Variants in SEMA6D observed in about 807,000 individuals in gnomAD.
SEMA6D encodes the protein semaphorin-6D.
A neutral mutation model predicts 106.6 loss-of-function variants in SEMA6D; 35 were observed. That is an observed-to-expected ratio of 0.33 (90% CI 0.25 to 0.44). The LOEUF (loss-of-function observed/expected upper bound fraction) is 0.44. SEMA6D is among the 20% of genes least tolerant of loss of function. The probability of loss-of-function intolerance (pLI) is 1.00; values close to 1 mark genes in which losing one functional copy is unlikely to be tolerated. For synonymous variants in SEMA6D, 499 were observed against 487.7 expected (o/e 1.02, Z -0.31); for missense variants, 1,185 against 1,345.9 (o/e 0.88, Z 1.87).
chr15:47,529,415 G>C (rs1797235), intron 3 of SEMA6D, among the ~76,000 whole-genome samples: 74,515 of 151,820 alleles, frequency 0.49, 20,081 homozygotes, highest in African/African-American at 0.73. Flanking sequence ...CCGTGTTGTT[G>C]AAGGGTCAAC....
At chr15:47,203,168 C>T (rs1025525258) in intron 1 of SEMA6D, among the ~76,000 whole-genome samples, 2 of 152,068 alleles carry the variant, frequency 1.3e-5, no homozygotes, top group African/African-American at 2.4e-5. Context: ...GGCAATACCC[C>T]CAAACTGGCA....
intron 15 of SEMA6D, 31 bp downstream of exon 15, chr15:47,766,213 G>A: frequency 6.4e-7 from 1 of 1,569,272 alleles, no homozygotes; most frequent in Non-Finnish European, 8.8e-7. Context: ...GAGCTAGGAT[G>A]AACTATCCTC....
intron 1 of SEMA6D, among the ~76,000 whole-genome samples, chr15:47,268,916 G>A (rs1260378703): frequency 6.6e-6 from 1 of 151,968 alleles, no homozygotes; most frequent in South Asian, 2.1e-4. Context: ...TTTAATAGGG[G>A]CTTGGTTAGA....
intron 1 of SEMA6D, among the ~76,000 whole-genome samples, chr15:47,216,019 A>G (rs1416538710): frequency 1.3e-5 from 2 of 152,172 alleles, no homozygotes; most frequent in African/African-American, 2.4e-5. Flanking sequence ...GTAAAATGAC[A>G]GGCAGTTCTT....
intron 1 of SEMA6D, among the ~76,000 whole-genome samples, chr15:47,310,582 GT>G (rs35025286): frequency 0.018 from 2,727 of 151,260 alleles, 34 homozygotes; most frequent in Non-Finnish European, 0.025. Context: ...TATAGTTCAT[GT>G]TTTTTTTAAC....
chr15:47,684,082 A>C (rs2078418732), intron 4 of SEMA6D, among the ~76,000 whole-genome samples: 1 of 152,164 alleles, frequency 6.6e-6, no homozygotes, highest in African/African-American at 2.4e-5. Flanking sequence ...GGCAGAAAGA[A>C]CAGCATTATA....
At chr15:47,748,387 C>A (rs1159098931) in intron 1 of SEMA6D, among the ~76,000 whole-genome samples, 1 of 152,194 alleles carries the variant, frequency 6.6e-6, no homozygotes, top group Non-Finnish European at 1.5e-5. Context: ...AGGTGCCAGG[C>A]CCTGTGCCTG....
chr15:47,503,090 T>A (rs1215834040), intron 3 of SEMA6D, among the ~76,000 whole-genome samples: 1 of 152,196 alleles, frequency 6.6e-6, no homozygotes, highest in East Asian at 1.9e-4. Context: ...AGTAATACAA[T>A]ACAAAAATCT....
intron 4 of SEMA6D, among the ~76,000 whole-genome samples, chr15:47,653,556 G>A (rs1039675633): frequency 2.6e-5 from 4 of 152,210 alleles, no homozygotes; most frequent in African/African-American, 9.7e-5. Context: ...GCAGAGCTTA[G>A]TGGTTCTCTA....
chr15:47,286,063 A>G (rs760439845), intron 1 of SEMA6D, among the ~76,000 whole-genome samples: 10 of 152,210 alleles, frequency 6.6e-5, no homozygotes, highest in Non-Finnish European at 1.2e-4. Flanking sequence ...CTTATTCAGA[A>G]TGCAGGTTCT....
At chr15:47,617,854 C>G (rs947144456) in intron 4 of SEMA6D, among the ~76,000 whole-genome samples, 8 of 152,330 alleles carry the variant, frequency 5.3e-5, no homozygotes, top group Admixed American at 5.2e-4. Context: ...TGCTGTGTAA[C>G]TATTAGTTAC....
chr15:47,607,013 A>AT (rs2076795341), intron 4 of SEMA6D, among the ~76,000 whole-genome samples: 1 of 152,152 alleles, frequency 6.6e-6, no homozygotes, highest in Non-Finnish European at 1.5e-5. Flanking sequence ...ATCAAGGGAG[A>AT]TGATCTACAT....
chr15:47,270,357 T>G (rs886608551), intron 1 of SEMA6D, among the ~76,000 whole-genome samples: 1 of 151,846 alleles, frequency 6.6e-6, no homozygotes, highest in Non-Finnish European at 1.5e-5. Flanking sequence ...CTATTGCTAG[T>G]AATTGCTTTA....
intron 4 of SEMA6D, among the ~76,000 whole-genome samples, chr15:47,638,068 G>A (rs947278004): frequency 6.6e-6 from 1 of 152,074 alleles, no homozygotes; most frequent in African/African-American, 2.4e-5. Flanking sequence ...GCAGTAACTA[G>A]CTATCTTTGC....
At chr15:47,456,795 C>A (rs370076771) in intron 2 of SEMA6D, among the ~76,000 whole-genome samples, 7 of 152,090 alleles carry the variant, frequency 4.6e-5, no homozygotes, top group African/African-American at 1.7e-4. Flanking sequence ...TGGCGGTAGT[C>A]CCCCTGTAGT....
intron 1 of SEMA6D, among the ~76,000 whole-genome samples, chr15:47,357,852 T>C (rs779781042): frequency 6.6e-6 from 1 of 152,218 alleles, no homozygotes; most frequent in Non-Finnish European, 1.5e-5. Context: ...CTTGGTAATA[T>C]CAGAGACTGA....
intron 1 of SEMA6D, among the ~76,000 whole-genome samples, chr15:47,387,308 T>C (rs1011305249): frequency 6.6e-6 from 1 of 152,220 alleles, no homozygotes; most frequent in Non-Finnish European, 1.5e-5. Flanking sequence ...GCATTAAAGT[T>C]GTAATTTTCC....
chr15:47,230,817 A>T (rs1048295056), intron 1 of SEMA6D, among the ~76,000 whole-genome samples: 1 of 151,902 alleles, frequency 6.6e-6, no homozygotes, highest in African/African-American at 2.4e-5. Context: ...GTTCTGATGC[A>T]CTCTTAAAGA....
chr15:47,494,741 GATATATAT>G (rs202139404), intron 3 of SEMA6D, among the ~76,000 whole-genome samples: 665 of 32,932 alleles, frequency 0.02, 8 homozygotes, highest in Middle Eastern at 0.026. Flanking sequence ...GTGGGATGGA[GATATATAT>G]ATATATATAT....
Sources: gnomAD v4.1 joint callset for allele counts (sites outside exome capture counted in the v4.1 genomes callset) on GRCh38, gnomAD v4.1.1 for gene constraint, MANE v1.5 for transcripts, NCBI Gene and HGNC (gene_info 2026-07-23, HGNC 2026-07-21) for gene names.